PLD5: variants seen among roughly 807,000 people sequenced by gnomAD.
PLD5 encodes the protein inactive phospholipase D5.
A neutral mutation model predicts 61.1 loss-of-function variants in PLD5; 36 were observed. The observed-to-expected ratio is 0.59, with a 90% CI of 0.45 to 0.78. The LOEUF is 0.78. Ranked by LOEUF, PLD5 falls within the 30% of genes least tolerant of loss-of-function variation. The pLI, the probability that PLD5 is intolerant of heterozygous loss-of-function variation, is 0.00. For missense variants in PLD5, 515 were observed against 644.4 expected, an observed-to-expected ratio of 0.80 and a Z score of 2.17; for synonymous variants, 243 against 242.8, an observed-to-expected ratio of 1.00 and a Z score of -0.01.
At chr1:242,391,385 A>C (rs1171309002) in intron 1 of PLD5, among the ~76,000 whole-genome samples, 1 of 152,186 alleles carries the variant, frequency 6.6e-6, no homozygotes, top group African/African-American at 2.4e-5. Flanking sequence ...AAAAAGAACA[A>C]ATGGAAAATT....
chr1:242,206,983 G>A (rs1024590901), intron 5 of PLD5, among the ~76,000 whole-genome samples: 1 of 152,180 alleles, frequency 6.6e-6, no homozygotes, highest in African/African-American at 2.4e-5. Context: ...TGGAAACTAA[G>A]GCAGGGTTTC....
chr1:242,422,641 A>G (rs757943368), intron 1 of PLD5, among the ~76,000 whole-genome samples: 5 of 152,152 alleles, frequency 3.3e-5, no homozygotes, highest in Non-Finnish European at 7.3e-5. Flanking sequence ...ACAGATAACA[A>G]CAGAATCTGG....
chr1:242,524,796 G>T (rs1191248788), upstream of PLD5: 1 of 150,556 alleles, frequency 6.6e-6, no homozygotes, highest in African/African-American at 2.4e-5. Flanking sequence ...GCAGGTTGGT[G>T]CAGTGAGGAG....
At chr1:242,195,510 G>A (rs927301118) in intron 5 of PLD5, among the ~76,000 whole-genome samples, 1 of 152,172 alleles carries the variant, frequency 6.6e-6, no homozygotes, top group African/African-American at 2.4e-5. Flanking sequence ...GTGACACAGA[G>A]AGCCTGACAA....
chr1:242,495,901 C>T (rs1268497050), intron 1 of PLD5, among the ~76,000 whole-genome samples: 1 of 152,206 alleles, frequency 6.6e-6, no homozygotes, highest in South Asian at 2.1e-4. Flanking sequence ...GAAATAATAA[C>T]AAGAGGTCCT....
intron 1 of PLD5, among the ~76,000 whole-genome samples, chr1:242,465,022 T>C (rs1265003782): frequency 1.3e-5 from 2 of 152,224 alleles, no homozygotes; most frequent in African/African-American, 4.8e-5. Flanking sequence ...GGTGACTCTT[T>C]CTGGGTATGA....
chr1:242,369,920 A>T (rs1278874950), intron 1 of PLD5, among the ~76,000 whole-genome samples: 1 of 152,204 alleles, frequency 6.6e-6, no homozygotes, highest in Non-Finnish European at 1.5e-5. Context: ...TACAGGGGAC[A>T]ACTAGAGAAT....
intron 5 of PLD5, among the ~76,000 whole-genome samples, chr1:242,217,870 G>A (rs1428442660): frequency 6.6e-6 from 1 of 152,210 alleles, no homozygotes; most frequent in African/African-American, 2.4e-5. Flanking sequence ...TCTTATGAAT[G>A]AGCAAGGGAA....
intron 9 of PLD5, among the ~76,000 whole-genome samples, chr1:242,090,924 T>A (rs59124784): frequency 1.6e-4 from 24 of 152,228 alleles, no homozygotes; most frequent in Non-Finnish European, 2.4e-4. Flanking sequence ...TTCCTTTTTT[T>A]AATTTTTAAA....
intron 5 of PLD5, among the ~76,000 whole-genome samples, chr1:242,217,676 C>T (rs1190694661): frequency 1.3e-5 from 2 of 152,050 alleles, no homozygotes; most frequent in African/African-American, 2.4e-5. Context: ...TCAACATTAA[C>T]GGGAGTTTGG....
In PLD5 at chr1:242,200,525, G is replaced by A. The variant is rs111743020; in HGVS notation, c.735+19463C>T. On this transcript the variant is annotated intron_variant, in intron 5 of 9. Transcript: ENST00000536534. ...CCAGTTAAAGAAGGCTCTCAGCTAT[G>A]GAAGCTCTAGATTTCTGGGGTACTG... is the stretch of plus-strand genomic sequence containing the variant. Among the ~76,000 whole-genome samples the A allele has an allele frequency of 1.7e-3, 266 of 152,238 alleles. 1 individual carries two copies. The highest frequency in any genetic ancestry group is 5.9e-3 in the African/African-American group (245 of 41,524).
chr1:242,439,161 A>T (rs1666154263), intron 1 of PLD5, among the ~76,000 whole-genome samples: 1 of 152,230 alleles, frequency 6.6e-6, no homozygotes, highest in South Asian at 2.1e-4. Context: ...CTTAACAAAT[A>T]GATCAAAATG....
intron 1 of PLD5, among the ~76,000 whole-genome samples, chr1:242,384,521 A>G (rs1572026779): frequency 2.0e-5 from 3 of 152,346 alleles, no homozygotes; most frequent in African/African-American, 7.2e-5. Context: ...GCTAAATCCA[A>G]TTCCTTGGTC....
At position 242,285,207 on chromosome 1, in the gene PLD5, T is replaced by C. The variant is rs191151745; in HGVS notation, c.495+3155A>G. ...AAGTGTTATCATCTTTCTACATCAA[T>C]AACATCTAGCATCTACCTTTCTACA... On this transcript the variant is annotated intron_variant, in intron 3 of 9. Coordinates refer to ENST00000536534, the MANE Select transcript of PLD5 (RefSeq NM_001372062.1). Among the ~76,000 whole-genome samples the C allele has an allele frequency of 5.9e-5, 9 of 152,358 alleles. No individual in the cohort carries two copies. In the East Asian group the frequency reaches 1.7e-3, roughly 29 times the overall value.
intron 5 of PLD5, among the ~76,000 whole-genome samples, chr1:242,144,027 G>A (rs1011839101): frequency 1.3e-5 from 2 of 151,560 alleles, no homozygotes; most frequent in East Asian, 1.9e-4. Flanking sequence ...CCGCCACCAC[G>A]CCTGGCTAAT....
intron 5 of PLD5, chr1:242,147,463 C>G (rs992573443): frequency 6.6e-6 from 1 of 152,182 alleles, no homozygotes; most frequent in Admixed American, 6.5e-5. Flanking sequence ...ACAGATAAAG[C>G]TGCTGCAAAC....
chr1:242,349,040 CG>C (rs1660323679), intron 1 of PLD5, among the ~76,000 whole-genome samples: 1 of 152,064 alleles, frequency 6.6e-6, no homozygotes, highest in Non-Finnish European at 1.5e-5. Flanking sequence ...GGTGACAGAG[CG>C]AGACTCCATC....
chr1:242,431,775 G>T (rs1665731852), intron 1 of PLD5, among the ~76,000 whole-genome samples: 1 of 152,308 alleles, frequency 6.6e-6, no homozygotes, highest in Middle Eastern at 3.4e-3. Context: ...GACTCCAAAA[G>T]CTCTAGAAAA....
chr1:242,454,714 G>T (rs1235040537), intron 1 of PLD5, among the ~76,000 whole-genome samples: 2 of 152,190 alleles, frequency 1.3e-5, no homozygotes, highest in African/African-American at 2.4e-5. Flanking sequence ...GGTAAAATGT[G>T]AGTGCCCTTA....
Sources: allele counts gnomAD v4.1 joint callset (sites outside exome capture counted in the v4.1 genomes callset), GRCh38; gene constraint gnomAD v4.1.1; transcripts MANE v1.5; gene names NCBI Gene and HGNC (gene_info 2026-07-23, HGNC 2026-07-21).